MTUS1: variants seen among roughly 807,000 people sequenced by gnomAD.
MTUS1 encodes microtubule associated scaffold protein 1, also known as microtubule-associated tumor suppressor 1.
Under a neutral mutation model 120.8 loss-of-function variants are expected in MTUS1, and 109 were observed. That is an observed-to-expected ratio of 0.90 (90% confidence interval 0.77 to 1.06). The LOEUF is 1.06. MTUS1 is among the 50% of genes least tolerant of loss of function. MTUS1 has a pLI of 0.00. For synonymous variants in MTUS1, 737 were observed against 550.5 expected (o/e 1.34, Z -4.74); for missense variants, 2,210 against 1,486.3 (o/e 1.49, Z -8.01).
intron 8 of MTUS1, among the ~76,000 whole-genome samples, chr8:17,657,580 A>G (rs1426198983): frequency 6.6e-6 from 1 of 151,102 alleles, no homozygotes; most frequent in South Asian, 2.1e-4. Context: ...AAAAAAAAAG[A>G]AGCTGATGCA....
At chr8:17,735,230 T>G (rs1345737193) in intron 3 of MTUS1, among the ~76,000 whole-genome samples, 3 of 152,144 alleles carry the variant, frequency 2.0e-5, no homozygotes, top group Non-Finnish European at 4.4e-5. Flanking sequence ...TTAAACTCAC[T>G]ATTCTCCTCC....
chr8:17,747,184 A>C (rs2047825669), intron 2 of MTUS1, among the ~76,000 whole-genome samples: 1 of 152,018 alleles, frequency 6.6e-6, no homozygotes, highest in African/African-American at 2.4e-5. Flanking sequence ...CATCCTCTTC[A>C]CCTTATTCCC....
intron 3 of MTUS1, among the ~76,000 whole-genome samples, chr8:17,730,268 G>A (rs1246283894): frequency 6.6e-6 from 1 of 152,164 alleles, no homozygotes; most frequent in Non-Finnish European, 1.5e-5. Flanking sequence ...CCGGAGGCCA[G>A]GCCAGGAGTT....
In MTUS1 at chr8:17,655,945, T is replaced by A. The variant is rs763808643; in HGVS notation, c.3026A>T (p.Glu1009Val). The A allele has an allele frequency of 1.2e-5, 19 of 1,614,212 alleles. No individual in the cohort carries two copies. The South Asian group carries it at 1.9e-4, about 16-fold the overall frequency. ...EKTERENRLK[E>V]FYTREYEKLR... The stretch of plus-strand genomic sequence containing the variant: ...CTTTTCATACTCCCTGGTGTAAAAC[T>A]CTTTAAGCCGATTCTCTCGTTCTGT... The change falls in exon 9 of 15, where the codon GAG (glutamate) becomes GTG (valine). Residue 1009 changes from glutamate (E) to valine (V), a missense_variant. Coordinates refer to ENST00000693296, the MANE Select transcript of MTUS1 (RefSeq NM_001363059.2).
chr8:17,751,607 C>G (rs138344129), intron 2 of MTUS1, among the ~76,000 whole-genome samples: 3 of 152,102 alleles, frequency 2.0e-5, no homozygotes, highest in Non-Finnish European at 2.9e-5. Context: ...CGCCTGTATT[C>G]CCAGCACTTT....
At chr8:17,703,396 G>A (rs454254) in intron 6 of MTUS1, among the ~76,000 whole-genome samples, 63,779 of 151,940 alleles carry the variant, frequency 0.42, 13,750 homozygotes, top group East Asian at 0.74. Flanking sequence ...CACTTTGGGA[G>A]GCTGTGGCGG....
intron 1 of MTUS1, among the ~76,000 whole-genome samples, chr8:17,762,938 T>G (rs1274128884): frequency 6.6e-6 from 1 of 151,520 alleles, no homozygotes; most frequent in African/African-American, 2.4e-5. Flanking sequence ...CCTGTCCAGT[T>G]GACCAGATCA....
At chr8:17,674,733 C>G (rs1002258278) in intron 8 of MTUS1, 1 of 995,894 alleles carries the variant, frequency 1.0e-6, no homozygotes, top group African/African-American at 1.7e-5. Context: ...CTTTTTCAGC[C>G]AAGTTGCCTT....
At chr8:17,670,480 A>T (rs1811788801) in intron 8 of MTUS1, among the ~76,000 whole-genome samples, 1 of 152,252 alleles carries the variant, frequency 6.6e-6, no homozygotes, top group South Asian at 2.1e-4. Flanking sequence ...CATAATGAAC[A>T]CTATGAGGCA....
intron 1 of MTUS1, among the ~76,000 whole-genome samples, chr8:17,790,431 G>A (rs1163801694): frequency 6.6e-6 from 1 of 151,904 alleles, no homozygotes; most frequent in African/African-American, 2.4e-5. Context: ...TATGAAGTGA[G>A]ATACAAAAAA....
rs184003268 is a variant in MTUS1 at position 17,775,196 on chromosome 8, G to C, written c.-154-19235C>G. On this transcript the variant is annotated intron_variant, in intron 1 of 14. Transcript: ENST00000693296. ...GTGATAGTTACACAACTTTGTGAAT[G>C]TACTTTATGCCACTGAACCGTACAC... 2.8e-3 allele frequency among the ~76,000 whole-genome samples: 422 copies of C among 152,124 alleles called. 2 individuals carry two copies. The highest frequency in any genetic ancestry group is 4.4e-3 in the Non-Finnish European group (298 of 68,002).
At chr8:17,701,198 T>A (rs1389144234) in intron 6 of MTUS1, among the ~76,000 whole-genome samples, 2 of 152,224 alleles carry the variant, frequency 1.3e-5, no homozygotes, top group African/African-American at 2.4e-5. Flanking sequence ...ATCTCCTTAC[T>A]TTCCCTAACA....
chr8:17,793,997 C>T (rs988923134), intron 1 of MTUS1, among the ~76,000 whole-genome samples: 2 of 152,042 alleles, frequency 1.3e-5, no homozygotes, highest in East Asian at 3.9e-4. Flanking sequence ...CAGTGTTTGG[C>T]CCATAGAAAG....
intron 3 of MTUS1, among the ~76,000 whole-genome samples, chr8:17,731,536 TA>T (rs906386126): frequency 2.6e-5 from 4 of 151,504 alleles, no homozygotes; most frequent in African/African-American, 4.9e-5. Flanking sequence ...GATGAAACCA[TA>T]AAAAAAATAA....
chr8:17,800,806 CCT>C (rs1331161899), intron 1 of MTUS1: 1 of 152,312 alleles, frequency 6.6e-6, no homozygotes, highest in East Asian at 1.9e-4. Context: ...CAGTCAAGCC[CCT>C]CGGTCACTTT....
chr8:17,672,656 G>A lies in MTUS1; in HGVS notation c.2905+2530C>T, dbSNP rs373511855. On this transcript the variant is annotated intron_variant, in intron 8 of 14. Coordinates refer to ENST00000693296, the MANE Select transcript of MTUS1 (RefSeq NM_001363059.2). ...CAAAACCCTTCTCCAAACGGAGAAC[G>A]GTTACCATCAGATGTATGCCTGCTG... Among the ~76,000 whole-genome samples, 97 of 152,228 alleles carry A rather than the reference G, an allele frequency of 6.4e-4. 3 individuals are homozygous for A. Among genetic ancestry groups the A allele is most frequent in the African/African-American group, 2.2e-3 (91 of 41,528 alleles).
chr8:17,701,829 G>A (rs571068073), intron 6 of MTUS1, among the ~76,000 whole-genome samples: 78 of 152,202 alleles, frequency 5.1e-4, no homozygotes, highest in African/African-American at 1.7e-3. Flanking sequence ...GATTACAAGC[G>A]TGAGCCACCG....
At chr8:17,658,270 G>A (rs139879002) in intron 8 of MTUS1, among the ~76,000 whole-genome samples, 93 of 152,236 alleles carry the variant, frequency 6.1e-4, no homozygotes, top group Admixed American at 1.3e-4. Flanking sequence ...TCCTGACCTC[G>A]TGATGCGCCT....
chr8:17,776,233 G>T (rs1172859536), intron 1 of MTUS1, among the ~76,000 whole-genome samples: 1 of 152,030 alleles, frequency 6.6e-6, no homozygotes, highest in African/African-American at 2.4e-5. Flanking sequence ...AAGTAACCTA[G>T]AGATGGTTTA....
Sources: allele counts gnomAD v4.1 joint callset (sites outside exome capture counted in the v4.1 genomes callset), GRCh38; gene constraint gnomAD v4.1.1; transcripts MANE v1.5; gene names NCBI Gene and HGNC (gene_info 2026-07-23, HGNC 2026-07-21).